The following KCNMA1 variants were observed in gnomAD, a reference collection of about 807,000 sequenced individuals.
KCNMA1 encodes potassium calcium-activated channel subfamily M alpha 1, also known as Calcium-activated potassium channel subunit alpha-1.
A neutral mutation model predicts 140.0 loss-of-function variants in KCNMA1; 29 were observed. That is an observed-to-expected ratio of 0.21 (90% CI 0.15 to 0.28). The LOEUF (loss-of-function observed/expected upper bound fraction) is 0.28. Ranked by LOEUF, KCNMA1 falls within the 10% of genes least tolerant of loss-of-function variation. The probability of loss-of-function intolerance (pLI) is 1.00; values close to 1 mark genes in which losing one functional copy is unlikely to be tolerated. For synonymous variants in KCNMA1, 612 were observed against 611.9 expected (o/e 1.00, Z 0.00); for missense variants, 880 against 1,602.2 (o/e 0.55, Z 7.70).
intron 1 of KCNMA1, among the ~76,000 whole-genome samples, chr10:77,422,228 C>T (rs1247035491): frequency 6.6e-6 from 1 of 152,174 alleles, no homozygotes; most frequent in Non-Finnish European, 1.5e-5. Context: ...GGGTCTCAAA[C>T]TTTAGTGTGC....
intron 15 of KCNMA1, among the ~76,000 whole-genome samples, chr10:77,036,994 C>A (rs1429817530): frequency 6.6e-6 from 1 of 152,188 alleles, no homozygotes; most frequent in East Asian, 1.9e-4. Flanking sequence ...CTAAGTTGTA[C>A]ACATTCTCAC....
intron 3 of KCNMA1, among the ~76,000 whole-genome samples, chr10:77,190,615 C>T (rs1251165468): frequency 9.9e-5 from 15 of 152,240 alleles, no homozygotes; most frequent in Middle Eastern, 3.4e-3. Context: ...GGACAAACTG[C>T]CCTAGAAAAT....
chr10:77,577,366 A>T (rs997116733), intron 1 of KCNMA1, among the ~76,000 whole-genome samples: 1 of 152,122 alleles, frequency 6.6e-6, no homozygotes, highest in Non-Finnish European at 1.5e-5. Flanking sequence ...CTTAACTGCC[A>T]TGTAGTTGAA....
At chr10:76,974,382 A>G in intron 19 of KCNMA1, 1 of 623,368 alleles carries the variant, frequency 1.6e-6, no homozygotes, top group Non-Finnish European at 2.7e-6. Flanking sequence ...TGAAATCCAC[A>G]GTAGTGCATC....
intron 22 of KCNMA1, 50 bp from the exon 23 acceptor site, chr10:76,945,015 CAGAG>C (rs149631521): frequency 1.4e-4 from 191 of 1,414,022 alleles, no homozygotes; most frequent in Non-Finnish European, 1.6e-4. Context: ...GAGAAAGAGA[CAGAG>C]AGAGAGAGAG....
chr10:77,295,173 C>A (rs564201772), intron 2 of KCNMA1, among the ~76,000 whole-genome samples: 1 of 151,900 alleles, frequency 6.6e-6, no homozygotes, highest in South Asian at 2.1e-4. Context: ...CATGGTGAAA[C>A]CCTGTCTCTA....
downstream of KCNMA1, chr10:76,884,857 TAAAC>T (rs910800583): frequency 1.3e-4 from 173 of 1,314,772 alleles, no homozygotes; most frequent in South Asian, 2.6e-4. Context: ...TAAATAAAAA[TAAAC>T]AAACCAATAA....
At chr10:76,958,446 A>T (rs567615679) in intron 20 of KCNMA1, among the ~76,000 whole-genome samples, 1 of 152,198 alleles carries the variant, frequency 6.6e-6, no homozygotes, top group Non-Finnish European at 1.5e-5. Flanking sequence ...AAACTCTATG[A>T]TGTGAGATAT....
At chr10:77,295,117 G>A (rs1036695247) in intron 2 of KCNMA1, among the ~76,000 whole-genome samples, 2 of 151,948 alleles carry the variant, frequency 1.3e-5, no homozygotes, top group African/African-American at 4.8e-5. Flanking sequence ...GGAAGCCAAG[G>A]TGGGCAGATC....
At chr10:77,202,275 G>C (rs1355377001) in intron 3 of KCNMA1, among the ~76,000 whole-genome samples, 1 of 152,182 alleles carries the variant, frequency 6.6e-6, no homozygotes, top group Non-Finnish European at 1.5e-5. Flanking sequence ...TCAAAGGAGT[G>C]CTAATTGAGG....
chr10:77,009,176 G>T (rs1406203786), intron 18 of KCNMA1, among the ~76,000 whole-genome samples: 1 of 152,156 alleles, frequency 6.6e-6, no homozygotes, highest in Non-Finnish European at 1.5e-5. Flanking sequence ...TGTTACACTG[G>T]CTTGGCTTTG....
intron 2 of KCNMA1, among the ~76,000 whole-genome samples, chr10:77,353,981 G>T (rs868063693): frequency 1.2e-4 from 8 of 64,978 alleles, no homozygotes; most frequent in African/African-American, 4.0e-4. Context: ...GGGGGGGGGG[G>T]TGGTGGGGGT....
At chr10:77,401,898 A>T (rs924486250) in intron 2 of KCNMA1, among the ~76,000 whole-genome samples, 1 of 152,128 alleles carries the variant, frequency 6.6e-6, no homozygotes, top group Non-Finnish European at 1.5e-5. Flanking sequence ...CTTATCCTCC[A>T]TGCATTCCTT....
chr10:77,026,144 T>C (rs2093436836), intron 16 of KCNMA1, among the ~76,000 whole-genome samples: 1 of 152,084 alleles, frequency 6.6e-6, no homozygotes, highest in African/African-American at 2.4e-5. Flanking sequence ...CTTAGAATAG[T>C]GACATTGAGT....
intron 14 of KCNMA1, among the ~76,000 whole-genome samples, chr10:77,062,360 G>C (rs2095788744): frequency 6.6e-6 from 1 of 152,090 alleles, no homozygotes; most frequent in Admixed American, 6.6e-5. Context: ...TTTTCTCCAA[G>C]ATACTTTTCT....
rs1202234909 is a variant in KCNMA1, at chr10:77,634,742, A to G, written c.378+2523T>C. The G allele has an allele frequency of 6.6e-6, 4 of 606,660 alleles. No homozygotes were observed. The African/African-American group carries it at 8.1e-5, about 12-fold the overall frequency. 37.6% of individuals were successfully genotyped at this position (606,660 alleles called of 1,614,324 possible). On this transcript the variant is annotated intron_variant, in intron 1 of 27. Transcript: ENST00000286628. ...TGCCTGTGTATCGAGTCTTGACAAA[A>G]CTACCAAATACTTGGAAAGAAAAAA...
chr10:77,042,040 C>A (rs1387613567), intron 14 of KCNMA1, among the ~76,000 whole-genome samples: 1 of 152,070 alleles, frequency 6.6e-6, no homozygotes, highest in Non-Finnish European at 1.5e-5. Context: ...TCAGTCTGGG[C>A]AATTAGATTA....
intron 6 of KCNMA1, among the ~76,000 whole-genome samples, chr10:77,116,178 CA>C (rs1435293549): frequency 2.0e-5 from 3 of 152,222 alleles, no homozygotes; most frequent in Non-Finnish European, 4.4e-5. Context: ...TTATCATCAA[CA>C]CCTGATCCAA....
intron 5 of KCNMA1, among the ~76,000 whole-genome samples, chr10:77,121,455 G>A (rs1031996674): frequency 3.9e-5 from 6 of 151,984 alleles, no homozygotes; most frequent in South Asian, 2.1e-4. Context: ...AGAATAAATC[G>A]GATAACCTTA....
Sources: allele counts gnomAD v4.1 joint callset (sites outside exome capture counted in the v4.1 genomes callset), GRCh38; gene constraint gnomAD v4.1.1; transcripts MANE v1.5; gene names NCBI Gene and HGNC (gene_info 2026-07-23, HGNC 2026-07-21).